The following CCDC192 variants were observed in gnomAD, a reference collection of about 807,000 sequenced individuals.
CCDC192 encodes coiled-coil domain-containing protein 192.
chr5:127,741,701 C>T lies in CCDC192; in HGVS notation c.115-12567C>T, dbSNP rs114939151. On this transcript the variant is annotated intron_variant, in intron 2 of 6. Coordinates refer to ENST00000514853, the MANE Select transcript of CCDC192 (RefSeq NM_001317938.2). ...AATTCAGGACTCCTCTAGCCCAGATCCTATTTTGCTATTAACTTTAATTTA... is the reference window on the plus strand; with the variant it reads ...AATTCAGGACTCCTCTAGCCCAGATTCTATTTTGCTATTAACTTTAATTTA... 5.0e-3 allele frequency among the ~76,000 whole-genome samples: 763 copies of T among 152,244 alleles called. 7 individuals carry two copies. The highest frequency in any genetic ancestry group is 8.7e-3 in the Non-Finnish European group (591 of 68,014).
At chr5:127,832,223 A>G (rs1378569500) in intron 5 of CCDC192, among the ~76,000 whole-genome samples, 2 of 152,204 alleles carry the variant, frequency 1.3e-5, no homozygotes, top group African/African-American at 2.4e-5. Context: ...ATCTGATTGG[A>G]TAAAATAGAA....
chr5:127,817,898 A>C (rs1185844781), intron 5 of CCDC192, among the ~76,000 whole-genome samples: 5 of 152,186 alleles, frequency 3.3e-5, no homozygotes, highest in African/African-American at 1.2e-4. Context: ...GCTTTTAGAA[A>C]CATTGCATCT....
chr5:127,909,126 T>C (rs940515568), intron 6 of CCDC192, among the ~76,000 whole-genome samples: 5 of 151,988 alleles, frequency 3.3e-5, no homozygotes. Context: ...GAAGAGAGAA[T>C]AGGGAGAAAG....
chr5:127,909,768 ATTC>A (rs1174528732), intron 6 of CCDC192, among the ~76,000 whole-genome samples: 4 of 152,218 alleles, frequency 2.6e-5, no homozygotes, highest in African/African-American at 9.6e-5. Flanking sequence ...CTAATGATAA[ATTC>A]TTCTTTTTAA....
At chr5:127,732,677 G>A (rs577108368) in intron 2 of CCDC192, among the ~76,000 whole-genome samples, 1 of 152,324 alleles carries the variant, frequency 6.6e-6, no homozygotes, top group African/African-American at 2.4e-5. Context: ...AAAGGAATGA[G>A]ATCTTGTCCT....
At chr5:127,912,419 C>CAAAAAAAAAA (rs60854127) in intron 6 of CCDC192, among the ~76,000 whole-genome samples, 912 of 81,404 alleles carry the variant, frequency 0.011, 126 homozygotes, top group African/African-American at 0.028. Flanking sequence ...CTGGGTTTAG[C>CAAAAAAAAAA]AAAAAAAAAA....
At chr5:127,738,774 A>T (rs1753193884) in intron 2 of CCDC192, among the ~76,000 whole-genome samples, 1 of 152,140 alleles carries the variant, frequency 6.6e-6, no homozygotes, top group Admixed American at 6.5e-5. Context: ...CTTGGTTTTC[A>T]GCTCCATCAG....
chr5:127,861,862 A>C (rs1193298227), intron 5 of CCDC192, among the ~76,000 whole-genome samples: 1 of 152,132 alleles, frequency 6.6e-6, no homozygotes. Flanking sequence ...TAGGAAAAGG[A>C]CTTAGATTTT....
At chr5:127,711,478 G>A (rs1002440108) in intron 2 of CCDC192, among the ~76,000 whole-genome samples, 8 of 152,156 alleles carry the variant, frequency 5.3e-5, no homozygotes, top group African/African-American at 1.9e-4. Flanking sequence ...GTTGGGGAAA[G>A]CAAGCAGTGT....
intron 6 of CCDC192, among the ~76,000 whole-genome samples, chr5:127,890,436 G>A (rs1449533597): frequency 1.4e-5 from 2 of 146,294 alleles, no homozygotes; most frequent in South Asian, 4.4e-4. Context: ...CAGAATGGCA[G>A]TGAGAGACCC....
intron 3 of CCDC192, chr5:127,786,046 T>C (rs1313777449): frequency 6.2e-6 from 4 of 643,734 alleles, no homozygotes; most frequent in Admixed American, 2.5e-5. Flanking sequence ...TTTTTTCAAT[T>C]CTCCTAGGTC....
At chr5:127,762,554 C>A (rs1396029390) in intron 3 of CCDC192, among the ~76,000 whole-genome samples, 1 of 152,158 alleles carries the variant, frequency 6.6e-6, no homozygotes, top group Non-Finnish European at 1.5e-5. Context: ...AATGACAAAT[C>A]GGCTTCTGTA....
chr5:127,897,508 G>A (rs1444474260), intron 6 of CCDC192, among the ~76,000 whole-genome samples: 5 of 152,186 alleles, frequency 3.3e-5, no homozygotes, highest in Non-Finnish European at 7.3e-5. Context: ...AGCAATTCTT[G>A]ATGTAAAAGC....
At chr5:127,752,116 A>G (rs1008032719) in intron 2 of CCDC192, among the ~76,000 whole-genome samples, 9 of 152,170 alleles carry the variant, frequency 5.9e-5, no homozygotes, top group African/African-American at 1.2e-4. Context: ...CCCTCAGCTC[A>G]TCAAAGTCAT....
rs563690507 is a variant in CCDC192 at position 127,886,738 on chromosome 5, G to C, written c.535+11077G>C. Among the ~76,000 whole-genome samples, 182 of 152,246 alleles carry C rather than the reference G, an allele frequency of 1.2e-3. 1 individual carries two copies. The highest frequency in any genetic ancestry group is 6.8e-3 in the Middle Eastern group (2 of 294). Reference sequence around the variant, plus strand: ...TTAGTAGTTCAGTTCAGTTTTGGGGGTGTCAAAAGTTGTATGTGAATTTTT... The same window carrying C: ...TTAGTAGTTCAGTTCAGTTTTGGGGCTGTCAAAAGTTGTATGTGAATTTTT... On this transcript the variant is annotated intron_variant, in intron 6 of 6. Transcript: ENST00000514853.
chr5:127,767,138 T>C (rs928907638), intron 3 of CCDC192, among the ~76,000 whole-genome samples: 5 of 152,218 alleles, frequency 3.3e-5, no homozygotes, highest in African/African-American at 4.8e-5. Context: ...GGGAAGCCTG[T>C]ACCCTGTTCC....
chr5:127,915,642 A>G (rs565238585), intron 6 of CCDC192, among the ~76,000 whole-genome samples: 180 of 152,326 alleles, frequency 1.2e-3, no homozygotes, highest in Middle Eastern at 3.4e-3. Context: ...GGGCTTCCCA[A>G]AGTGCTGGGA....
At chr5:127,939,158 C>T (rs1404471832) in intron 6 of CCDC192, among the ~76,000 whole-genome samples, 1 of 130,716 alleles carries the variant, frequency 7.7e-6, no homozygotes, top group Non-Finnish European at 1.6e-5. Context: ...CACTCTGTCG[C>T]CCAGGCTGGA....
intron 6 of CCDC192, among the ~76,000 whole-genome samples, chr5:127,919,746 T>C (rs1396125185): frequency 6.6e-6 from 1 of 152,232 alleles, no homozygotes; most frequent in Non-Finnish European, 1.5e-5. Context: ...GGATGACTGC[T>C]CCTTCCTGTA....
Sources: allele counts gnomAD v4.1 joint callset (sites outside exome capture counted in the v4.1 genomes callset), GRCh38; gene constraint gnomAD v4.1.1; transcripts MANE v1.5; gene names NCBI Gene and HGNC (gene_info 2026-07-23, HGNC 2026-07-21).